NEURL1: variants seen among roughly 807,000 people sequenced by gnomAD.
NEURL1 encodes neuralized E3 ubiquitin protein ligase 1, also known as E3 ubiquitin-protein ligase NEURL1.
Under a neutral mutation model 41.2 loss-of-function variants are expected in NEURL1, and 26 were observed. That is an observed-to-expected ratio of 0.63 (90% CI 0.46 to 0.87). NEURL1 has a LOEUF of 0.87. NEURL1 is among the 40% of genes least tolerant of loss of function. The pLI, the probability that NEURL1 is intolerant of heterozygous loss-of-function variation, is 0.00. For synonymous variants in NEURL1, 400 were observed against 402.3 expected (o/e 0.99, Z 0.07); for missense variants, 761 against 871.1 (o/e 0.87, Z 1.59).
intron 1 of NEURL1, among the ~76,000 whole-genome samples, chr10:103,553,222 G>A (rs1009700858): frequency 1.3e-5 from 2 of 152,234 alleles, no homozygotes; most frequent in African/African-American, 2.4e-5. Flanking sequence ...TAGGGTTGTC[G>A]TGAGGATTGA....
At chr10:103,517,655 G>A (rs2034247499) in intron 1 of NEURL1, among the ~76,000 whole-genome samples, 1 of 152,254 alleles carries the variant, frequency 6.6e-6, no homozygotes, top group South Asian at 2.1e-4. Context: ...AGTCAAATCA[G>A]AAGTCAATGT....
intron 1 of NEURL1, among the ~76,000 whole-genome samples, chr10:103,509,779 G>A (rs1029055506): frequency 2.6e-5 from 4 of 152,122 alleles, no homozygotes; most frequent in Non-Finnish European, 4.4e-5. Context: ...GGCATGAGGT[G>A]GTATTTTGGG....
At chr10:103,578,327 C>T (rs960524866) in intron 3 of NEURL1, among the ~76,000 whole-genome samples, 1 of 152,226 alleles carries the variant, frequency 6.6e-6, no homozygotes, top group Non-Finnish European at 1.5e-5. Context: ...CTCAAACCAG[C>T]TCTTCAACTA....
chr10:103,532,341 T>A (rs920852696), intron 1 of NEURL1, among the ~76,000 whole-genome samples: 2 of 152,224 alleles, frequency 1.3e-5, no homozygotes, highest in African/African-American at 4.8e-5. Context: ...TTCTCCTTTG[T>A]GTATTTGCTC....
At position 103,513,496 on chromosome 10, in the gene NEURL1, C is replaced by T. The variant is rs114179328; in HGVS notation, c.85+19024C>T. 7.8e-3 allele frequency among the ~76,000 whole-genome samples: 1,188 copies of T among 152,374 alleles called. 11 individuals carry two copies. Among genetic ancestry groups the T allele is most frequent in the African/African-American group, 0.027 (1,117 of 41,584 alleles). On this transcript the variant is annotated intron_variant, in intron 1 of 5. Transcript: ENST00000369780. ...GGTGCCTGTGCCACAGAGGCTAGCC[C>T]TGGGATACCTCAGCCCCTGCCAGGT...
chr10:103,494,065 A>G lies in NEURL1; in HGVS notation c.-323A>G. On this transcript the variant is annotated 5_prime_UTR_variant, in exon 1 of 6. Coordinates refer to ENST00000369780, the MANE Select transcript of NEURL1 (RefSeq NM_004210.5). ...GCCGCCCACCCCCAGCCGGAACCCT[A>G]GCGTCCCGGGGAGCAAGCGGGGAGC... The G allele has an allele frequency of 4.6e-6, 1 of 216,372 alleles. No individual in the cohort carries two copies. The allele number at this position is 216,372 out of a possible 1,614,324, so 13.4% of individuals were successfully genotyped here.
chr10:103,509,266 A>G (rs1222482986), intron 1 of NEURL1, among the ~76,000 whole-genome samples: 1 of 151,902 alleles, frequency 6.6e-6, no homozygotes, highest in Non-Finnish European at 1.5e-5. Context: ...AAAGAAACCA[A>G]ATACAGTTGT....
At chr10:103,537,762 AT>A (rs2133862448) in intron 1 of NEURL1, among the ~76,000 whole-genome samples, 1 of 152,340 alleles carries the variant, frequency 6.6e-6, no homozygotes, top group African/African-American at 2.4e-5. Context: ...TATACTGCAC[AT>A]ATTTAAAATG....
chr10:103,493,916 G>A lies in NEURL1; in HGVS notation c.-472G>A. On this transcript the variant is annotated 5_prime_UTR_variant, in exon 1 of 6. Coordinates refer to ENST00000369780, the MANE Select transcript of NEURL1 (RefSeq NM_004210.5). ...CACGCAGACCCGCGGGCGGGAGGGAGCCACGCACATCGCCGCCGCGGCCGT... is the reference window on the plus strand; with the variant it reads ...CACGCAGACCCGCGGGCGGGAGGGAACCACGCACATCGCCGCCGCGGCCGT... 1 of 152,684 alleles carries A rather than the reference G, an allele frequency of 6.5e-6. No homozygotes were observed. Among genetic ancestry groups the A allele is most frequent in the Non-Finnish European group, 1.5e-5 (1 of 68,600 alleles). 9.5% of individuals were successfully genotyped at this position (152,684 alleles called of 1,614,324 possible).
chr10:103,510,465 A>G (rs907953473), intron 1 of NEURL1, among the ~76,000 whole-genome samples: 3 of 152,160 alleles, frequency 2.0e-5, no homozygotes, highest in Non-Finnish European at 4.4e-5. Context: ...CGAGTGGGAC[A>G]TGTTAAATCT....
chr10:103,529,008 C>G (rs1170846185), intron 1 of NEURL1, among the ~76,000 whole-genome samples: 23 of 152,142 alleles, frequency 1.5e-4, no homozygotes, highest in Admixed American at 1.4e-3. Context: ...AACTGATTCA[C>G]AGAAATAAGC....
chr10:103,535,856 A>T (rs1272143943), intron 1 of NEURL1, among the ~76,000 whole-genome samples: 1 of 151,970 alleles, frequency 6.6e-6, no homozygotes, highest in Non-Finnish European at 1.5e-5. Context: ...GATGAAGGGG[A>T]CCCATGGCAA....
At chr10:103,579,627 A>T (rs1301765209) in intron 3 of NEURL1, among the ~76,000 whole-genome samples, 2 of 152,194 alleles carry the variant, frequency 1.3e-5, no homozygotes, top group Non-Finnish European at 2.9e-5. Context: ...GACTCTGGTA[A>T]CTGAATTGTA....
chr10:103,526,445 T>A (rs1210279359), intron 1 of NEURL1, among the ~76,000 whole-genome samples: 5 of 152,178 alleles, frequency 3.3e-5, no homozygotes, highest in Non-Finnish European at 5.9e-5. Flanking sequence ...TTATATTTCT[T>A]CTTGGTTCAA....
chr10:103,522,546 G>A (rs1323254021), intron 1 of NEURL1, among the ~76,000 whole-genome samples: 1 of 147,204 alleles, frequency 6.8e-6, no homozygotes, highest in Admixed American at 6.9e-5. Context: ...AGGTTGCGGT[G>A]AGCCAAGATC....
intron 1 of NEURL1, among the ~76,000 whole-genome samples, chr10:103,503,888 C>T (rs2033884889): frequency 1.3e-5 from 2 of 149,342 alleles, no homozygotes; most frequent in Non-Finnish European, 3.0e-5. Context: ...CCCCCGGGCT[C>T]AATGGATCCT....
intron 1 of NEURL1, among the ~76,000 whole-genome samples, chr10:103,565,291 C>T (rs2035396095): frequency 6.6e-6 from 1 of 152,158 alleles, no homozygotes; most frequent in African/African-American, 2.4e-5. Context: ...AGAGGTGGCT[C>T]AGTGGGTGAT....
At position 103,571,679 on chromosome 10, in the gene NEURL1, C is replaced by T; in HGVS notation, c.506C>T (p.Ala169Val). 1 of 1,614,238 alleles carries T rather than the reference C, an allele frequency of 6.2e-7. No individual in the cohort carries two copies. The highest frequency in any genetic ancestry group is 8.5e-7 in the Non-Finnish European group (1 of 1,180,028). The change falls in exon 3 of 6, where the codon GCA becomes GTA. Residue 169 changes from alanine (A) to valine (V), a missense_variant. This residue lies in a region of NEURL1 where 114 missense variants were observed against 144.8 expected (regional missense o/e 0.79). Transcript: ENST00000369780. The part of the protein sequence containing the change: ...EEFANEGNII[A>V]FWVDKKGRVF... ...TTTGCCAATGAGGGCAACATCATCG[C>T]ATTCTGGGTGGACAAGAAGGGCCGT... is the stretch of plus-strand genomic sequence containing the variant.
chr10:103,519,588 G>A (rs147645316), intron 1 of NEURL1, among the ~76,000 whole-genome samples: 42 of 152,294 alleles, frequency 2.8e-4, no homozygotes, highest in African/African-American at 9.6e-4. Context: ...GTATGCATCT[G>A]AGGGCTGGTC....
Sources: gnomAD v4.1 joint callset for allele counts (sites outside exome capture counted in the v4.1 genomes callset) on GRCh38, gnomAD v4.1.1 for gene constraint, gnomAD v4.1.1 regional missense constraint, MANE v1.5 for transcripts, NCBI Gene and HGNC (gene_info 2026-07-23, HGNC 2026-07-21) for gene names.